Variants in SNTG1 observed in about 807,000 individuals in gnomAD.
SNTG1 encodes gamma-1-syntrophin.
A neutral mutation model predicts 74.7 loss-of-function variants in SNTG1; 39 were observed. The ratio of observed to expected loss-of-function variants is 0.52; its 90% CI spans 0.40 to 0.68. SNTG1 has a LOEUF of 0.68. Ranked by LOEUF, SNTG1 falls within the 30% of genes least tolerant of loss-of-function variation. The pLI is 0.00. For synonymous variants in SNTG1, 254 were observed against 217.1 expected, an observed-to-expected ratio of 1.17 and a Z score of -1.49; for missense variants, 685 against 609.5, an observed-to-expected ratio of 1.12 and a Z score of -1.30.
At chr8:50,489,449 C>T (rs553708516) in intron 8 of SNTG1, among the ~76,000 whole-genome samples, 1 of 152,200 alleles carries the variant, frequency 6.6e-6, no homozygotes, top group African/African-American at 2.4e-5. Context: ...TGTTTCCTGA[C>T]CTTTTAATGA....
intron 2 of SNTG1, among the ~76,000 whole-genome samples, chr8:50,272,846 C>T (rs1484171520): frequency 1.3e-5 from 2 of 151,748 alleles, no homozygotes; most frequent in East Asian, 1.9e-4. Context: ...AAGCAATCCT[C>T]CTGCCTCAGC....
chr8:50,500,890 A>C (rs1024621233), intron 8 of SNTG1, among the ~76,000 whole-genome samples: 4 of 152,094 alleles, frequency 2.6e-5, no homozygotes. Flanking sequence ...AGGTAGGATA[A>C]TGGGGACCTT....
At chr8:50,638,480 G>GA (rs548247953) in intron 13 of SNTG1, among the ~76,000 whole-genome samples, 1 of 152,174 alleles carries the variant, frequency 6.6e-6, no homozygotes, top group South Asian at 2.1e-4. Context: ...ATGGTTGAGT[G>GA]AAAAATCAAG....
At chr8:50,475,734 A>G (rs919830605) in intron 8 of SNTG1, among the ~76,000 whole-genome samples, 21 of 152,288 alleles carry the variant, frequency 1.4e-4, no homozygotes, top group Middle Eastern at 3.4e-3. Context: ...AAGATTTCCA[A>G]AAAAAATCAT....
At chr8:50,578,513 G>A (rs2094589610) in intron 12 of SNTG1, among the ~76,000 whole-genome samples, 1 of 152,168 alleles carries the variant, frequency 6.6e-6, no homozygotes, top group Non-Finnish European at 1.5e-5. Flanking sequence ...GAGCTTTGGT[G>A]GGTGATATGA....
chr8:50,212,807 C>T (rs545744415), intron 2 of SNTG1, among the ~76,000 whole-genome samples: 1 of 152,266 alleles, frequency 6.6e-6, no homozygotes, highest in South Asian at 2.1e-4. Flanking sequence ...GGCTGAAATT[C>T]AAAAGTGCCA....
intron 2 of SNTG1, among the ~76,000 whole-genome samples, chr8:50,367,262 T>C (rs1006327135): frequency 3.9e-5 from 6 of 152,078 alleles, no homozygotes; most frequent in Non-Finnish European, 7.4e-5. Context: ...ACTTTGATTT[T>C]AGTCTCTTGA....
At chr8:50,532,283 A>G (rs886071442) in intron 10 of SNTG1, among the ~76,000 whole-genome samples, 1 of 152,204 alleles carries the variant, frequency 6.6e-6, no homozygotes, top group African/African-American at 2.4e-5. Flanking sequence ...AAAAATCTCA[A>G]TGCATATCAA....
At chr8:50,156,774 G>A (rs1449510631) in intron 1 of SNTG1, among the ~76,000 whole-genome samples, 4 of 152,126 alleles carry the variant, frequency 2.6e-5, no homozygotes, top group South Asian at 2.1e-4. Flanking sequence ...ATGAAAAGGC[G>A]CTGACATCAT....
At chr8:50,404,086 G>A (rs1784417360) in intron 4 of SNTG1, among the ~76,000 whole-genome samples, 1 of 152,064 alleles carries the variant, frequency 6.6e-6, no homozygotes, top group South Asian at 2.1e-4. Flanking sequence ...AATTAAGCAA[G>A]GTTGCTGAGA....
chr8:50,583,879 C>T (rs531559966), intron 12 of SNTG1, among the ~76,000 whole-genome samples: 3 of 151,674 alleles, frequency 2.0e-5, no homozygotes, highest in African/African-American at 4.8e-5. Context: ...CCCATTAATT[C>T]CTCATTTACA....
chr8:50,487,835 A>G (rs1461270898), intron 8 of SNTG1, among the ~76,000 whole-genome samples: 1 of 115,520 alleles, frequency 8.7e-6, no homozygotes, highest in Non-Finnish European at 1.7e-5. Context: ...TTAAAGTATA[A>G]AAAAAAAGTC....
At chr8:50,756,946 T>G (rs2095582070) in intron 18 of SNTG1, among the ~76,000 whole-genome samples, 1 of 151,810 alleles carries the variant, frequency 6.6e-6, no homozygotes, top group Non-Finnish European at 1.5e-5. Context: ...TTATCAGAGT[T>G]TGATAGTTTT....
At position 50,618,917 on chromosome 8, in the gene SNTG1, A is replaced by G. The variant is rs545895308; in HGVS notation, c.849+28000A>G. On this transcript the variant is annotated intron_variant, in intron 13 of 18. Coordinates refer to ENST00000642720, the MANE Select transcript of SNTG1 (RefSeq NM_018967.5). ...TGTGTGTGTGTGTGTGTGTATATAT[A>G]TATATGTCTATGTGTGTGTGTGTAA... Among the ~76,000 whole-genome samples, 220 of 151,052 alleles carry G rather than the reference A, an allele frequency of 1.5e-3. 2 individuals carry two copies. The highest frequency in any genetic ancestry group is 0.01 in the Middle Eastern group (3 of 294).
At chr8:50,324,465 G>A (rs1240842565) in intron 2 of SNTG1, among the ~76,000 whole-genome samples, 1 of 152,116 alleles carries the variant, frequency 6.6e-6, no homozygotes, top group Non-Finnish European at 1.5e-5. Context: ...TTCTTGTAAT[G>A]GTGCTTTTCT....
At position 50,647,812 on chromosome 8, in the gene SNTG1, T is replaced by C. The variant is rs547310463; in HGVS notation, c.850-9097T>C. 3.0e-3 allele frequency among the ~76,000 whole-genome samples: 457 copies of C among 152,298 alleles called. 3 individuals are homozygous for C. The highest frequency in any genetic ancestry group is 0.011 in the African/African-American group (440 of 41,574). ...TTGGAAGTCCTCTTGTCATTTAATG[T>C]ATTTAGGGAAATTCTCCTTTTAATT... On this transcript the variant is annotated intron_variant, in intron 13 of 18. Coordinates refer to ENST00000642720, the MANE Select transcript of SNTG1 (RefSeq NM_018967.5).
intron 2 of SNTG1, among the ~76,000 whole-genome samples, chr8:50,255,166 C>T (rs186674074): frequency 6.6e-6 from 1 of 151,904 alleles, no homozygotes; most frequent in African/African-American, 2.4e-5. Flanking sequence ...AAAATTAGTC[C>T]TTAGAAGTTC....
intron 5 of SNTG1, among the ~76,000 whole-genome samples, chr8:50,443,867 C>T (rs571886148): frequency 6.6e-6 from 1 of 152,250 alleles, no homozygotes; most frequent in East Asian, 1.9e-4. Flanking sequence ...GGCACGGTGG[C>T]TCATGCCTGT....
intron 1 of SNTG1, among the ~76,000 whole-genome samples, chr8:49,967,475 G>T (rs992814835): frequency 3.3e-5 from 5 of 152,056 alleles, no homozygotes; most frequent in Non-Finnish European, 7.4e-5. Flanking sequence ...GCACATACGT[G>T]GTGATGCAAG....
Sources: gnomAD v4.1 joint callset for allele counts (sites outside exome capture counted in the v4.1 genomes callset) on GRCh38, gnomAD v4.1.1 for gene constraint, MANE v1.5 for transcripts, NCBI Gene and HGNC (gene_info 2026-07-23, HGNC 2026-07-21) for gene names.